The following STK38L variants were observed in gnomAD, a reference collection of about 807,000 sequenced individuals.
The protein encoded by STK38L is serine/threonine kinase 38 like, also known as serine/threonine-protein kinase 38-like.
Under a neutral mutation model 59.7 loss-of-function variants are expected in STK38L, and 28 were observed. The observed-to-expected ratio is 0.47, with a 90% CI of 0.35 to 0.64. STK38L has a LOEUF of 0.64. STK38L is among the 30% of genes least tolerant of loss of function. The pLI, the probability that STK38L is intolerant of heterozygous loss-of-function variation, is 0.01. For synonymous variants in STK38L, 162 were observed against 176.8 expected (o/e 0.92, Z 0.66); for missense variants, 314 against 555.8 (o/e 0.56, Z 4.37).
intron 9 of STK38L, among the ~76,000 whole-genome samples, chr12:27,317,115 C>G (rs1012319091): frequency 3.3e-5 from 5 of 152,184 alleles, no homozygotes; most frequent in Admixed American, 3.3e-4. Context: ...AAAACTAATT[C>G]AGCATTCCCT....
At chr12:27,269,743 A>G (rs1486713237) in intron 1 of STK38L, among the ~76,000 whole-genome samples, 2 of 152,128 alleles carry the variant, frequency 1.3e-5, no homozygotes, top group Non-Finnish European at 2.9e-5. Context: ...CCTGGGTTCA[A>G]GTGATTCTCC....
intron 1 of STK38L, among the ~76,000 whole-genome samples, chr12:27,274,129 G>T (rs9668766): frequency 0.85 from 129,743 of 151,796 alleles, 55,637 homozygotes; most frequent in Non-Finnish European, 0.89. Flanking sequence ...GGTGCACACC[G>T]GTAATCCCAG....
rs1335927410 is a variant in STK38L at position 27,323,686 on chromosome 12, GT to G, written c.*1232del. On this transcript the variant is annotated 3_prime_UTR_variant, in exon 14 of 14. Coordinates refer to ENST00000389032, the MANE Select transcript of STK38L (RefSeq NM_015000.4). ...ATTGTTCTTGTTTAGCTACATCACT[GT>G]GGTGAATATAGATGGAATTAAGGAA... 8 of 152,574 alleles carry G rather than the reference GT, an allele frequency of 5.2e-5. No individual in the cohort carries two copies. The highest frequency in any genetic ancestry group is 4.8e-5 in the African/African-American group (2 of 41,430). The allele number at this position is 152,574 out of a possible 1,614,324, so 9.5% of individuals were successfully genotyped here. A position where few individuals can be genotyped will look rare whatever the true frequency, so the allele number is the denominator to read the frequency against.
intron 5 of STK38L, among the ~76,000 whole-genome samples, chr12:27,311,791 T>C (rs1944460493): frequency 6.6e-6 from 1 of 152,152 alleles, no homozygotes; most frequent in Non-Finnish European, 1.5e-5. Context: ...CACCAAATAA[T>C]GATCAAGCTG....
At chr12:27,321,996 T>C in intron 12 of STK38L, 147 bp from the exon 13 acceptor site, 1 of 565,030 alleles carries the variant, frequency 1.8e-6, no homozygotes, top group South Asian at 3.1e-5. Flanking sequence ...TATTTTGAAC[T>C]CCCTTTAACT....
chr12:27,301,643 G>A (rs1944175940), intron 2 of STK38L, among the ~76,000 whole-genome samples: 1 of 152,118 alleles, frequency 6.6e-6, no homozygotes, highest in African/African-American at 2.4e-5. Flanking sequence ...CAATTGCATT[G>A]AACATTTTTC....
chr12:27,267,211 TG>T (rs1206887649), intron 1 of STK38L, among the ~76,000 whole-genome samples: 2 of 152,118 alleles, frequency 1.3e-5, no homozygotes, highest in African/African-American at 2.4e-5. Context: ...AATTTTGACT[TG>T]TGTCACATAT....
At chr12:27,272,410 C>T (rs998008225) in intron 1 of STK38L, among the ~76,000 whole-genome samples, 4 of 152,118 alleles carry the variant, frequency 2.6e-5, no homozygotes, top group East Asian at 1.9e-4. Flanking sequence ...CTTTGCCATG[C>T]GATTTAAATA....
intron 1 of STK38L, among the ~76,000 whole-genome samples, chr12:27,280,614 A>T (rs1391056551): frequency 6.6e-6 from 1 of 152,188 alleles, no homozygotes; most frequent in Non-Finnish European, 1.5e-5. Context: ...GACTCCTGTG[A>T]TGGCATCTTC....
At chr12:27,274,122 G>A (rs982205753) in intron 1 of STK38L, among the ~76,000 whole-genome samples, 6 of 151,704 alleles carry the variant, frequency 4.0e-5, no homozygotes, top group African/African-American at 1.2e-4. Context: ...GCGTAGTGGT[G>A]CACACCGGTA....
At chr12:27,321,280 T>C (rs1427221266) in intron 12 of STK38L, among the ~76,000 whole-genome samples, 1 of 152,258 alleles carries the variant, frequency 6.6e-6, no homozygotes, top group African/African-American at 2.4e-5. Context: ...AACTGATAGC[T>C]TCTTTTAACC....
At chr12:27,319,001 GAAAA>G (rs1379296193) in intron 11 of STK38L, among the ~76,000 whole-genome samples, 1 of 150,678 alleles carries the variant, frequency 6.6e-6, no homozygotes, top group African/African-American at 2.4e-5. Flanking sequence ...ACAAACAAAC[GAAAA>G]AAAAATTTAT....
intron 1 of STK38L, among the ~76,000 whole-genome samples, chr12:27,281,360 C>CAAA (rs1943653321): frequency 6.8e-6 from 1 of 147,984 alleles, no homozygotes; most frequent in Non-Finnish European, 1.5e-5. Flanking sequence ...GCTGGGATTA[C>CAAA]AGGCGTGAGC....
intron 2 of STK38L, chr12:27,300,623 T>C (rs901789265): frequency 2.2e-6 from 1 of 455,864 alleles, no homozygotes; most frequent in Non-Finnish European, 4.4e-6. Context: ...CAGCACAGAA[T>C]CTGATGTTAG....
At chr12:27,251,007 AAAAAAAAAAG>A (rs900885378) in intron 1 of STK38L, among the ~76,000 whole-genome samples, 7 of 151,342 alleles carry the variant, frequency 4.6e-5, no homozygotes, top group Admixed American at 6.6e-5. Flanking sequence ...AAAAAAAAAA[AAAAAAAAAAG>A]AAATTGCTTC....
At position 27,317,912 on chromosome 12, in the gene STK38L, C is replaced by T; in HGVS notation, c.972C>T (p.Cys324=). ...GATACATAGGATATCCACCTTTCTG[C>T]TCTGAAACACCTCAAGAAACGTACA... ...YEMLIGYPPF[C]SETPQETYRK... The change falls in exon 11 of 14, where the codon TGC becomes TGT. Residue 324 remains cysteine (C), a synonymous_variant. Transcript: ENST00000389032. 6.2e-7 allele frequency: 1 copy of T among 1,613,826 alleles called. No homozygotes were observed. The highest frequency in any genetic ancestry group is 1.7e-4 in the Middle Eastern group (1 of 6,058).
intron 1 of STK38L, among the ~76,000 whole-genome samples, chr12:27,289,904 G>C (rs962287560): frequency 6.6e-6 from 1 of 152,038 alleles, no homozygotes; most frequent in Non-Finnish European, 1.5e-5. Context: ...CTCTCCATTA[G>C]AAGTAATCTA....
intron 1 of STK38L, among the ~76,000 whole-genome samples, chr12:27,254,435 C>T (rs568759280): frequency 1.6e-4 from 25 of 152,274 alleles, no homozygotes; most frequent in African/African-American, 5.5e-4. Context: ...CATTCAGAGA[C>T]CTGTATGTGC....
chr12:27,259,400 C>T (rs1591852041), intron 1 of STK38L, among the ~76,000 whole-genome samples: 1 of 152,154 alleles, frequency 6.6e-6, no homozygotes, highest in Non-Finnish European at 1.5e-5. Context: ...TTTATGGCCG[C>T]TTCACGTGTC....
Sources: gnomAD v4.1 joint callset for allele counts (sites outside exome capture counted in the v4.1 genomes callset) on GRCh38, gnomAD v4.1.1 for gene constraint, MANE v1.5 for transcripts, NCBI Gene and HGNC (gene_info 2026-07-23, HGNC 2026-07-21) for gene names.